Variants in FOXP4 observed in about 807,000 individuals in gnomAD.
FOXP4 encodes forkhead box protein P4.
In FOXP4, 25 loss-of-function variants were observed where a neutral mutation model predicts 82.6. That is an observed-to-expected ratio of 0.30 (90% CI 0.22 to 0.42). The LOEUF (loss-of-function observed/expected upper bound fraction) is 0.42. Among genes scored for constraint, FOXP4 ranks in the 10% least tolerant of loss-of-function variants. FOXP4 has a pLI of 1.00. For synonymous variants in FOXP4, 415 were observed against 388.2 expected (o/e 1.07, Z -0.81); for missense variants, 785 against 900.9 (o/e 0.87, Z 1.65).
rs554019248 is a variant in FOXP4, at chr6:41,574,945, CGTGTTTTGTTTTGTTTT to C, written c.205-3021_205-3005del. ...TCAGGCTGACTAGTTTCTTATCATT[CGTGTTTTGTTTTGTTTT>C]GTGTTTTGTTTTGTTTTGTTTTTTG... On this transcript the variant is annotated intron_variant, in intron 2 of 16. Coordinates refer to ENST00000307972, the MANE Select transcript of FOXP4 (RefSeq NM_001012426.2). Among the ~76,000 whole-genome samples, 748 of 152,176 alleles carry C rather than the reference CGTGTTTTGTTTTGTTTT, an allele frequency of 4.9e-3. 4 individuals carry two copies. The highest frequency in any genetic ancestry group is 0.017 in the African/African-American group (690 of 41,516).
intron 1 of FOXP4, among the ~76,000 whole-genome samples, chr6:41,552,677 ACG>A: frequency 6.6e-6 from 1 of 152,268 alleles, no homozygotes; most frequent in East Asian, 1.9e-4. Context: ...CACTCACCAG[ACG>A]CAGAGAAAAG....
intron 3 of FOXP4, among the ~76,000 whole-genome samples, chr6:41,580,232 A>G (rs931859113): frequency 6.6e-6 from 1 of 151,874 alleles, no homozygotes; most frequent in Non-Finnish European, 1.5e-5. Flanking sequence ...GTAGGGTTGT[A>G]TTTTTAGTAG....
rs752586014 is a variant in FOXP4 at position 41,591,193 on chromosome 6, G to A, written c.1435-28G>A. The stretch of plus-strand genomic sequence containing the variant: ...GTGACCCTTCGAGGCCCAGGCTGAC[G>A]GTCCCTTTGCTTGTTCCTTCCCCGC... On this transcript the variant is annotated intron_variant, in intron 12 of 16. Coordinates refer to ENST00000307972, the MANE Select transcript of FOXP4 (RefSeq NM_001012426.2). This position sits in a 1 kb window ranked among gnomAD's most constrained non-coding sequence, Gnocchi z 4.2. 57 of 1,580,156 alleles carry A rather than the reference G, an allele frequency of 3.6e-5. No individual in the cohort carries two copies. The highest frequency in any genetic ancestry group is 4.5e-5 in the Non-Finnish European group (52 of 1,158,826).
intron 1 of FOXP4, among the ~76,000 whole-genome samples, chr6:41,548,824 CTTTTTT>C (rs11326650): frequency 8.5e-5 from 9 of 106,082 alleles, no homozygotes; most frequent in African/African-American, 2.5e-4. Flanking sequence ...GTCTGAAGGC[CTTTTTT>C]TTTTTTTTTT....
intron 2 of FOXP4, among the ~76,000 whole-genome samples, chr6:41,568,462 C>A (rs368287489): frequency 6.6e-6 from 1 of 152,206 alleles, no homozygotes; most frequent in East Asian, 1.9e-4. Flanking sequence ...ATCACACAGT[C>A]GCTGTGGGAA....
chr6:41,584,842 C>G lies in FOXP4; in HGVS notation c.374C>G (p.Pro125Arg), dbSNP rs746858403. 4.3e-6 allele frequency: 7 copies of G among 1,610,414 alleles called. No homozygotes were observed. In the East Asian group the frequency reaches 1.6e-4, roughly 36 times the overall value. The change falls in exon 4 of 17, where the codon CCG (proline) becomes CGG (arginine). Residue 125 changes from proline (P) to arginine (R), a missense_variant. Coordinates refer to ENST00000307972, the MANE Select transcript of FOXP4 (RefSeq NM_001012426.2). ...PQQMQQILSP[P>R]QLQALLQQQQ... ...CAGATGCAGCAGATCCTGTCGCCCC[C>G]GCAGCTGCAGGCCTTGCTCCAGCAG...
At chr6:41,587,702 G>A (rs1243873907) in intron 7 of FOXP4, 91 bp from the exon 8 acceptor site, 3 of 970,466 alleles carry the variant, frequency 3.1e-6, no homozygotes, top group African/African-American at 3.3e-5. Flanking sequence ...GGGCAGAAAT[G>A]TCACCAGCAG....
rs1295311596 is a variant in FOXP4 at position 41,599,422 on chromosome 6, G to T, written c.*486G>T. 1 of 155,984 alleles carries T rather than the reference G, an allele frequency of 6.4e-6. No individual in the cohort carries two copies. Among genetic ancestry groups the T allele is most frequent in the African/African-American group, 2.4e-5 (1 of 41,468 alleles). The allele number at this position is 155,984 out of a possible 1,614,324, so 9.7% of individuals were successfully genotyped here. On this transcript the variant is annotated 3_prime_UTR_variant, in exon 17 of 17. Transcript: ENST00000307972. ...CCTTCTTTTCCGTACTGTGAAGAAAGAACTCTCCACCCCAGCTCCCACCCT... is the reference window on the plus strand; with the variant it reads ...CCTTCTTTTCCGTACTGTGAAGAAATAACTCTCCACCCCAGCTCCCACCCT...
At position 41,594,944 on chromosome 6, in the gene FOXP4, T is replaced by C; in HGVS notation, c.1611T>C (p.Thr537=). 6.2e-7 allele frequency: 1 copy of C among 1,614,168 alleles called. No homozygotes were observed. Among genetic ancestry groups the C allele is most frequent in the Non-Finnish European group, 8.5e-7 (1 of 1,180,026 alleles). ...RVENVKGAVW[T]VDEREYQKRR... is the part of the protein sequence containing the mutation. The stretch of plus-strand genomic sequence containing the variant: ...AGAACGTCAAGGGTGCCGTGTGGAC[T>C]GTGGACGAGCGGGAGTATCAGAAGC... Residue 537 remains threonine (T), a synonymous_variant, in exon 14 of 17, where the codon ACT becomes ACC. Coordinates refer to ENST00000307972, the MANE Select transcript of FOXP4 (RefSeq NM_001012426.2).
intron 1 of FOXP4, chr6:41,548,703 A>G (rs1409705379): frequency 6.6e-6 from 1 of 152,332 alleles, no homozygotes; most frequent in East Asian, 1.9e-4. Context: ...GCTGCGAACC[A>G]GCCGGTAGGT....
Position 41,591,128 on chromosome 6 carries a change from A to T in FOXP4, c.1435-93A>T. The T allele has an allele frequency of 1.0e-6, 1 of 986,896 alleles. No individual in the cohort carries two copies. The highest frequency in any genetic ancestry group is 1.6e-6 in the Non-Finnish European group (1 of 636,486). 61.1% of individuals were successfully genotyped at this position (986,896 alleles called of 1,614,324 possible). A position where few individuals can be genotyped will look rare whatever the true frequency, so the allele number is the denominator to read the frequency against. On this transcript the variant is annotated intron_variant, in intron 12 of 16. Coordinates refer to ENST00000307972, the MANE Select transcript of FOXP4 (RefSeq NM_001012426.2). This position sits in a 1 kb window ranked among gnomAD's most constrained non-coding sequence, Gnocchi z 4.2. ...CTTCTCACAAAGTGAACTCGGGGCT[A>T]GGCAGAAGGGAGAGGTACTGGGGGA...
chr6:41,595,388 C>T (rs574595716), intron 14 of FOXP4, among the ~76,000 whole-genome samples: 1 of 152,006 alleles, frequency 6.6e-6, no homozygotes, highest in Admixed American at 6.5e-5. Flanking sequence ...GATGACTAGA[C>T]CTCTGAGGTC....
rs765253728 is a variant in FOXP4, at chr6:41,585,557, CT to C, written c.510+41del. 4 of 1,580,486 alleles carry C rather than the reference CT, an allele frequency of 2.5e-6. No individual in the cohort carries two copies. The Admixed American group carries it at 7.0e-5, about 28-fold the overall frequency. On this transcript the variant is annotated intron_variant, in intron 5 of 16. Transcript: ENST00000307972. ...CAGGGCCCACCACCGCCCTCACCCCCTGCCCAGAGCTGGGTGTCCAGAGCTG... is the reference window on the plus strand; with the variant it reads ...CAGGGCCCACCACCGCCCTCACCCCCGCCCAGAGCTGGGTGTCCAGAGCTG...
At chr6:41,590,443 A>G in intron 12 of FOXP4, 96 bp downstream of exon 12, 2 of 1,307,794 alleles carry the variant, frequency 1.5e-6, no homozygotes, top group Non-Finnish European at 2.2e-6. Context: ...CCTGGGGCCA[A>G]GCAATGGAGC....
Position 41,598,509 on chromosome 6 carries a change from C to T in FOXP4, c.1896-280C>T, listed in dbSNP as rs573855505. 2.6e-5 allele frequency among the ~76,000 whole-genome samples: 4 copies of T among 152,286 alleles called. No individual in the cohort carries two copies. The East Asian group carries it at 5.8e-4, about 22-fold the overall frequency. On this transcript the variant is annotated intron_variant, in intron 16 of 16. Transcript: ENST00000307972. Reference sequence around the variant, plus strand: ...CTGGGATTACATGTGTGAGCCACCTCGCCTGGCCTCTCTTCTATCTTTCTT... The same window carrying T: ...CTGGGATTACATGTGTGAGCCACCTTGCCTGGCCTCTCTTCTATCTTTCTT...
rs1193380852 is a variant in FOXP4 at position 41,593,093 on chromosome 6, CCTT to C, written c.1536+1774_1537-1772del. Among the ~76,000 whole-genome samples, 13 of 152,196 alleles carry C rather than the reference CCTT, an allele frequency of 8.5e-5. No individual in the cohort carries two copies. Among genetic ancestry groups the C allele is most frequent in the African/African-American group, 2.9e-4 (12 of 41,444 alleles). On this transcript the variant is annotated intron_variant, in intron 13 of 16. Coordinates refer to ENST00000307972, the MANE Select transcript of FOXP4 (RefSeq NM_001012426.2). The surrounding 1 kb of genome is among the most constrained non-coding windows in gnomAD (Gnocchi z 4.1). ...CCATCCAGCTTGAGGTCCACTTTGA[CCTT>C]CTGGTTTTTTTCAGCCAAATGCATT...
At position 41,549,115 on chromosome 6, in the gene FOXP4, C is replaced by T. The variant is rs560267228; in HGVS notation, c.-17+2248C>T. On this transcript the variant is annotated intron_variant, in intron 1 of 16. Coordinates refer to ENST00000307972, the MANE Select transcript of FOXP4 (RefSeq NM_001012426.2). Reference sequence around the variant, plus strand: ...TGAGCGCTGAATCTCTCCTGCGGGACGGGACCCTCAGGACCCACTTTATCC... The same window carrying T: ...TGAGCGCTGAATCTCTCCTGCGGGATGGGACCCTCAGGACCCACTTTATCC... Among the ~76,000 whole-genome samples, 13 of 152,102 alleles carry T rather than the reference C, an allele frequency of 8.5e-5. No homozygotes were observed. The East Asian group carries it at 2.3e-3, about 27-fold the overall frequency.
rs1767234078 is a variant in FOXP4 at position 41,602,081 on chromosome 6, C to G, written c.*3145C>G. The G allele has an allele frequency of 1.3e-5, 2 of 152,480 alleles. No homozygotes were observed. Among genetic ancestry groups the G allele is most frequent in the African/African-American group, 4.8e-5 (2 of 41,480 alleles). 9.4% of individuals were successfully genotyped at this position (152,480 alleles called of 1,614,324 possible). The stretch of plus-strand genomic sequence containing the variant: ...GTCTGTCGCTCACTCGCCCCGCTTT[C>G]TCTGTCTCACCTTCATCCACTCTGC... On this transcript the variant is annotated 3_prime_UTR_variant, in exon 17 of 17. Transcript: ENST00000307972.
chr6:41,569,403 C>T (rs771376042), intron 2 of FOXP4, among the ~76,000 whole-genome samples: 4 of 152,250 alleles, frequency 2.6e-5, no homozygotes, highest in Non-Finnish European at 5.9e-5. Context: ...GCATTTTACC[C>T]TATGGGATGG....
Sources: gnomAD v4.1 joint callset for allele counts (sites outside exome capture counted in the v4.1 genomes callset) on GRCh38, gnomAD v4.1.1 for gene constraint, Gnocchi (gnomAD v3.1) non-coding constraint, MANE v1.5 for transcripts, NCBI Gene and HGNC (gene_info 2026-07-23, HGNC 2026-07-21) for gene names.